Variants in PLSCR2 observed in about 807,000 individuals in gnomAD.
The protein encoded by PLSCR2 is PL scramblase 2.
In PLSCR2, 18 loss-of-function variants were observed where a neutral mutation model predicts 25.3. That is an observed-to-expected ratio of 0.71 (90% CI 0.49 to 1.06). The LOEUF (loss-of-function observed/expected upper bound fraction) is 1.06, where lower values mean the gene tolerates loss of function less well. PLSCR2 is among the 50% of genes least tolerant of loss of function. The pLI, the probability that PLSCR2 is intolerant of heterozygous loss-of-function variation, is 0.00. For missense variants in PLSCR2, 243 were observed against 269.5 expected (o/e 0.90, Z 0.69); for synonymous variants, 88 against 87.3 (o/e 1.01, Z -0.04).
At chr3:146,400,617 GT>G (rs71661372) in intron 2 of PLSCR2, among the ~76,000 whole-genome samples, 52 of 146,768 alleles carry the variant, frequency 3.5e-4, no homozygotes, top group Middle Eastern at 3.6e-3. Flanking sequence ...AATATGATAG[GT>G]TTTTTTTTTG....
chr3:146,468,217 T>G (rs1245900972), intron 1 of PLSCR2, among the ~76,000 whole-genome samples: 1 of 152,218 alleles, frequency 6.6e-6, no homozygotes, highest in Non-Finnish European at 1.5e-5. Context: ...CTCATTTTCC[T>G]TTGTATGTGT....
intron 5 of PLSCR2, among the ~76,000 whole-genome samples, chr3:146,450,774 C>T (rs570666310): frequency 1.3e-5 from 2 of 152,246 alleles, no homozygotes; most frequent in East Asian, 1.9e-4. Flanking sequence ...CTGAAGGTAA[C>T]TTACTAGCTA....
At chr3:146,391,556 T>C (rs982237846) in exon 4 of PLSCR2, 1 of 152,568 alleles carries the variant, frequency 6.6e-6, no homozygotes, top group Non-Finnish European at 1.5e-5. Context: ...TCAAAATACA[T>C]GTATTCCTAG....
chr3:146,400,664 G>A (rs1243229107), intron 2 of PLSCR2, among the ~76,000 whole-genome samples: 1 of 150,506 alleles, frequency 6.6e-6, no homozygotes, highest in African/African-American at 2.4e-5. Context: ...AAGTAAGAAA[G>A]CCAAAAAAGC....
At chr3:146,415,954 T>C (rs1373093895) in intron 2 of PLSCR2, among the ~76,000 whole-genome samples, 3 of 152,118 alleles carry the variant, frequency 2.0e-5, no homozygotes, top group African/African-American at 7.2e-5. Context: ...TTTTTATTTA[T>C]TTTATTTTAT....
chr3:146,487,565 T>C (rs1202754714), intron 1 of PLSCR2, among the ~76,000 whole-genome samples: 1 of 152,064 alleles, frequency 6.6e-6, no homozygotes, highest in Non-Finnish European at 1.5e-5. Flanking sequence ...TGAACTCCCA[T>C]TTACAATTGC....
intron 2 of PLSCR2, among the ~76,000 whole-genome samples, chr3:146,396,271 T>G (rs2038268551): frequency 1.3e-5 from 2 of 152,210 alleles, no homozygotes; most frequent in Admixed American, 1.3e-4. Flanking sequence ...TTCCCAACTC[T>G]TTCATAAGTG....
intron 2 of PLSCR2, among the ~76,000 whole-genome samples, chr3:146,418,430 CA>C (rs2039052108): frequency 6.6e-6 from 1 of 152,136 alleles, no homozygotes; most frequent in Admixed American, 6.6e-5. Flanking sequence ...AATTTCTCTT[CA>C]AACTTAGATT....
At chr3:146,489,803 G>A (rs1369983531) in intron 1 of PLSCR2, among the ~76,000 whole-genome samples, 2 of 152,028 alleles carry the variant, frequency 1.3e-5, no homozygotes, top group African/African-American at 4.8e-5. Flanking sequence ...CCCATCTAGA[G>A]ATCCTTCAAT....
At chr3:146,457,637 C>A (rs1333404167) in intron 3 of PLSCR2, among the ~76,000 whole-genome samples, 1 of 152,170 alleles carries the variant, frequency 6.6e-6, no homozygotes, top group Non-Finnish European at 1.5e-5. Flanking sequence ...CCAAAACACT[C>A]CCATCCAAAT....
At chr3:146,434,535 T>C (rs13090489) in intron 8 of PLSCR2, among the ~76,000 whole-genome samples, 89,347 of 151,634 alleles carry the variant, frequency 0.59, 26,612 homozygotes, top group South Asian at 0.76. Flanking sequence ...TATGTACTTA[T>C]GTAGACTTTT....
chr3:146,458,903 G>A (rs1050693324), intron 2 of PLSCR2, among the ~76,000 whole-genome samples: 4 of 151,904 alleles, frequency 2.6e-5, no homozygotes, highest in African/African-American at 9.7e-5. Context: ...GCATTTCTTG[G>A]AGAAATATGA....
intron 2 of PLSCR2, among the ~76,000 whole-genome samples, chr3:146,403,489 C>A (rs1329827414): frequency 6.6e-6 from 1 of 152,160 alleles, no homozygotes; most frequent in Non-Finnish European, 1.5e-5. Context: ...AGGGACCACA[C>A]CTGGAGAGTC....
At position 146,455,235 on chromosome 3, in the gene PLSCR2, A is replaced by T. The variant is rs201579559; in HGVS notation, c.321+4T>A. ...ATGAAAAGCTCTAGTAATTGCTCACATACCTCCTGAAGGCAGCAGGGGCAA... is the reference window on the plus strand; with the variant it reads ...ATGAAAAGCTCTAGTAATTGCTCACTTACCTCCTGAAGGCAGCAGGGGCAA... On this transcript the variant is annotated splice_donor_region_variant and intron_variant, in intron 4 of 6. Coordinates refer to ENST00000610787, the Ensembl canonical transcript of PLSCR2. The T allele has an allele frequency of 6.2e-7, 1 of 1,600,556 alleles. No homozygotes were observed. The highest frequency in any genetic ancestry group is 8.6e-7 in the Non-Finnish European group (1 of 1,167,668).
At chr3:146,417,377 G>A (rs2039030679) in intron 2 of PLSCR2, among the ~76,000 whole-genome samples, 1 of 151,340 alleles carries the variant, frequency 6.6e-6, no homozygotes, top group Non-Finnish European at 1.5e-5. Context: ...GTAGACAAGA[G>A]ACAAATATTA....
At chr3:146,434,902 C>T (rs2039744427) in intron 8 of PLSCR2, among the ~76,000 whole-genome samples, 1 of 150,574 alleles carries the variant, frequency 6.6e-6, no homozygotes, top group African/African-American at 2.4e-5. Context: ...GGTACATCCC[C>T]TAATGCTATC....
chr3:146,467,673 TA>T (rs1469172824), intron 1 of PLSCR2, among the ~76,000 whole-genome samples: 1 of 150,254 alleles, frequency 6.7e-6, no homozygotes, highest in Non-Finnish European at 1.5e-5. Context: ...ACAAATACAT[TA>T]AGCACTATGA....
chr3:146,470,785 C>A (rs938333153), intron 1 of PLSCR2, among the ~76,000 whole-genome samples: 1 of 152,124 alleles, frequency 6.6e-6, no homozygotes, highest in Non-Finnish European at 1.5e-5. Flanking sequence ...GAAGGAAAAT[C>A]GAGCTACCTG....
rs369475624 is a variant in PLSCR2, at chr3:146,427,691, C to A, written c.100+30720G>T. 2.6e-5 allele frequency among the ~76,000 whole-genome samples: 4 copies of A among 152,268 alleles called. No homozygotes were observed. In the Middle Eastern group the frequency reaches 0.01, roughly 388 times the overall value. ...ACTTTCTGTCTTAGTTTAAAAGTCACCACCCACAGGAAGAATTTCATTAAA... is the reference window on the plus strand; with the variant it reads ...ACTTTCTGTCTTAGTTTAAAAGTCAACACCCACAGGAAGAATTTCATTAAA... On this transcript the variant is annotated intron_variant and NMD_transcript_variant, in intron 2 of 3. Transcript: ENST00000463633.
Sources: allele counts gnomAD v4.1 joint callset (sites outside exome capture counted in the v4.1 genomes callset), GRCh38; gene constraint gnomAD v4.1.1; transcripts MANE v1.5; gene names NCBI Gene and HGNC (gene_info 2026-07-23, HGNC 2026-07-21).